Variants in PIP5K1B observed in about 807,000 individuals in gnomAD.
PIP5K1B encodes phosphatidylinositol 4-phosphate 5-kinase type-1 beta.
In PIP5K1B, 42 loss-of-function variants were observed where a neutral mutation model predicts 67.0. That is an observed-to-expected ratio of 0.63 (90% confidence interval 0.49 to 0.81). The LOEUF is 0.81. PIP5K1B is among the 30% of genes least tolerant of loss of function. The pLI, the probability that PIP5K1B is intolerant of heterozygous loss-of-function variation, is 0.00. For missense variants in PIP5K1B, 459 were observed against 646.3 expected (o/e 0.71, Z 3.14); for synonymous variants, 214 against 231.4 (o/e 0.92, Z 0.68).
chr9:68,902,315 ATC>A (rs1825403473), intron 8 of PIP5K1B, among the ~76,000 whole-genome samples: 1 of 152,142 alleles, frequency 6.6e-6, no homozygotes, highest in African/African-American at 2.4e-5. Flanking sequence ...TCTGTTTTCC[ATC>A]TCTGTAATTT....
chr9:68,936,299 A>G (rs1379398702), intron 13 of PIP5K1B, among the ~76,000 whole-genome samples: 4 of 152,108 alleles, frequency 2.6e-5, no homozygotes, highest in African/African-American at 9.7e-5. Flanking sequence ...TTCACTGTTG[A>G]AAAAGAAGTT....
At chr9:68,879,762 G>T (rs984072289) in intron 6 of PIP5K1B, among the ~76,000 whole-genome samples, 7 of 151,928 alleles carry the variant, frequency 4.6e-5, no homozygotes, top group Non-Finnish European at 1.0e-4. Context: ...ATTACACATT[G>T]TGTATAGGTA....
Position 68,780,960 on chromosome 9 carries a change from G to A in PIP5K1B, c.-85-37501G>A, listed in dbSNP as rs553552838. On this transcript the variant is annotated intron_variant, in intron 2 of 15. Transcript: ENST00000265382. The stretch of plus-strand genomic sequence containing the variant: ...ACCAGCGAAAGTCAGCACTACCACC[G>A]ACTCTCCTGTGTCACCTGCCCAAGC... 3.7e-6 allele frequency: 6 copies of A among 1,614,124 alleles called. No individual in the cohort carries two copies. The South Asian group carries it at 5.5e-5, about 15-fold the overall frequency.
chr9:68,907,823 G>A (rs1014199535), intron 8 of PIP5K1B, among the ~76,000 whole-genome samples: 12 of 152,224 alleles, frequency 7.9e-5, no homozygotes, highest in Non-Finnish European at 1.5e-5. Context: ...TGAATAGGAT[G>A]TAGTCCTTTT....
At chr9:68,712,059 C>T (rs1827419541) in intron 1 of PIP5K1B, among the ~76,000 whole-genome samples, 1 of 152,210 alleles carries the variant, frequency 6.6e-6, no homozygotes, top group African/African-American at 2.4e-5. Context: ...ATTCCCCATG[C>T]TAGAGGTGGG....
chr9:68,953,439 A>G (rs1828198777), intron 14 of PIP5K1B, among the ~76,000 whole-genome samples: 1 of 151,700 alleles, frequency 6.6e-6, no homozygotes, highest in African/African-American at 2.4e-5. Context: ...TTTGTAGTCT[A>G]CATGTTCTAT....
intron 14 of PIP5K1B, among the ~76,000 whole-genome samples, chr9:68,942,052 C>T (rs548036137): frequency 2.0e-5 from 3 of 152,318 alleles, no homozygotes; most frequent in African/African-American, 7.2e-5. Context: ...AATTATTTAA[C>T]TCATCTAAAC....
At chr9:68,866,983 G>A (rs1341842587) in intron 5 of PIP5K1B, among the ~76,000 whole-genome samples, 1 of 152,190 alleles carries the variant, frequency 6.6e-6, no homozygotes, top group African/African-American at 2.4e-5. Flanking sequence ...GTGAAAAATA[G>A]CCTGGGTCCT....
chr9:68,909,983 A>G (rs527391728), intron 8 of PIP5K1B, among the ~76,000 whole-genome samples: 1 of 152,232 alleles, frequency 6.6e-6, no homozygotes, highest in Non-Finnish European at 1.5e-5. Flanking sequence ...GTTAATTTCC[A>G]TAAGAACCCC....
At chr9:68,897,554 G>A (rs142570614) in intron 8 of PIP5K1B, among the ~76,000 whole-genome samples, 1,930 of 152,256 alleles carry the variant, frequency 0.013, 56 homozygotes, top group African/African-American at 0.045. Flanking sequence ...AATGTGTTCC[G>A]GGAGCTATAG....
chr9:68,721,123 A>G (rs960329061), intron 1 of PIP5K1B, among the ~76,000 whole-genome samples: 7 of 152,204 alleles, frequency 4.6e-5, no homozygotes, highest in Non-Finnish European at 8.8e-5. Context: ...GACCATCGAC[A>G]TCTTGTCAGC....
At chr9:68,790,592 G>GCA (rs1254245307) in intron 2 of PIP5K1B, among the ~76,000 whole-genome samples, 47 of 138,904 alleles carry the variant, frequency 3.4e-4, no homozygotes, top group African/African-American at 1.1e-3. Context: ...ACGCACATGA[G>GCA]CGCGCACACA....
chr9:68,932,521 T>C (rs1477602076), intron 12 of PIP5K1B, among the ~76,000 whole-genome samples: 1 of 152,190 alleles, frequency 6.6e-6, no homozygotes. Context: ...CCACAAATAA[T>C]TTAGTGAGAA....
At chr9:68,929,645 A>C (rs1296823736) in intron 12 of PIP5K1B, among the ~76,000 whole-genome samples, 1 of 152,102 alleles carries the variant, frequency 6.6e-6, no homozygotes, top group Non-Finnish European at 1.5e-5. Flanking sequence ...GCCATTGAAC[A>C]ACTTTCAGTT....
chr9:68,786,566 T>C (rs1347293821), intron 2 of PIP5K1B, among the ~76,000 whole-genome samples: 1 of 152,112 alleles, frequency 6.6e-6, no homozygotes. Flanking sequence ...ACTTCTGTTT[T>C]GAATCAAATG....
At chr9:68,850,741 C>T (rs10121974) in intron 4 of PIP5K1B, among the ~76,000 whole-genome samples, 9,810 of 152,188 alleles carry the variant, frequency 0.064, 648 homozygotes, top group African/African-American at 0.17. Flanking sequence ...GATGAAAAGT[C>T]AATCCTGTCT....
chr9:68,774,191 A>G (rs1176520535), intron 2 of PIP5K1B, among the ~76,000 whole-genome samples: 1 of 152,244 alleles, frequency 6.6e-6, no homozygotes, highest in African/African-American at 2.4e-5. Context: ...CAGGGTCAAG[A>G]AAAGCTGATG....
chr9:68,824,025 A>G (rs1433108050), intron 4 of PIP5K1B: 2 of 502,916 alleles, frequency 4.0e-6, no homozygotes, highest in East Asian at 1.1e-4. Flanking sequence ...AGAGCTCAGA[A>G]GTGCCGCAGT....
At chr9:68,780,088 G>A (rs1831158885) in intron 2 of PIP5K1B, 115 of 1,325,890 alleles carry the variant, frequency 8.7e-5, no homozygotes, top group South Asian at 6.1e-4. Context: ...CGGCGGCAGC[G>A]GCGGCGGCCC....
Sources: allele counts gnomAD v4.1 joint callset (sites outside exome capture counted in the v4.1 genomes callset), GRCh38; gene constraint gnomAD v4.1.1; transcripts MANE v1.5; gene names NCBI Gene and HGNC (gene_info 2026-07-23, HGNC 2026-07-21).